FBN3: variants seen among roughly 807,000 people sequenced by gnomAD.
The protein encoded by FBN3 is fibrillin-3.
Under a neutral mutation model 330.1 loss-of-function variants are expected in FBN3, and 234 were observed. The ratio of observed to expected loss-of-function variants is 0.71; its 90% CI spans 0.64 to 0.79. The LOEUF (loss-of-function observed/expected upper bound fraction) is 0.79, where lower values mean the gene tolerates loss of function less well. Ranked by LOEUF, FBN3 falls within the 30% of genes least tolerant of loss-of-function variation. The probability of loss-of-function intolerance (pLI) is 0.00; values close to 1 mark genes in which losing one functional copy is unlikely to be tolerated. For missense variants in FBN3, 3,606 were observed against 3,886.9 expected (o/e 0.93, Z 1.92); for synonymous variants, 1,458 against 1,517.3 (o/e 0.96, Z 0.91).
chr19:8,118,827 C>A, intron 26 of FBN3, 70 bp downstream of exon 26: 1 of 1,557,386 alleles, frequency 6.4e-7, no homozygotes, highest in Non-Finnish European at 8.8e-7. Flanking sequence ...AGCCCACATT[C>A]ACCAGACATC....
intron 63 of FBN3, among the ~76,000 whole-genome samples, chr19:8,066,618 C>T (rs538724373): frequency 3.3e-5 from 5 of 152,226 alleles, no homozygotes; most frequent in African/African-American, 7.2e-5. Flanking sequence ...CAGTGGCTCA[C>T]GCCTGTAATC....
chr19:8,125,474 G>T (rs2082955043), intron 22 of FBN3, among the ~76,000 whole-genome samples: 1 of 151,410 alleles, frequency 6.6e-6, no homozygotes, highest in South Asian at 2.1e-4. Flanking sequence ...CAGAGGCAGA[G>T]GATCCCAAAG....
Position 8,123,546 on chromosome 19 carries a change from A to T in FBN3, c.3000T>A (p.Gly1000=). 6.2e-7 allele frequency: 1 copy of T among 1,614,172 alleles called. No individual in the cohort carries two copies. The highest frequency in any genetic ancestry group is 1.1e-5 in the South Asian group (1 of 91,090). The change falls in exon 24 of 64, where the codon GGT becomes GGA. Residue 1000 remains glycine, a synonymous_variant. Coordinates refer to ENST00000600128, the MANE Select transcript of FBN3 (RefSeq NM_032447.5). Reference sequence around the variant, plus strand: ...AGCTGCCCACCGTGTTTCTGCAGGTACCGTGCGTGCAGAGGCCAGGGAACA... The same window carrying T: ...AGCTGCCCACCGTGTTTCTGCAGGTTCCGTGCGTGCAGAGGCCAGGGAACA... The part of the protein sequence containing the change: ...CKVFPGLCTH[G]TCRNTVGSFH...
At chr19:8,135,936 G>GGGGGGGGGGGCCC in intron 13 of FBN3, 25 bp downstream of exon 13, 2 of 668,770 alleles carry the variant, frequency 3.0e-6, no homozygotes, top group Non-Finnish European at 4.8e-6. Flanking sequence ...GGAAGCCCCT[G>GGGGGGGGGGGCCC]CCCACCCGCC....
chr19:8,126,343 AGGGTCTGCAACT>A lies in FBN3; in HGVS notation c.2555-8_2558del. On this transcript the variant is annotated splice_acceptor_variant and splice_polypyrimidine_tract_variant and coding_sequence_variant and intron_variant, in exon 21 of 64. Coordinates refer to ENST00000600128, the MANE Select transcript of FBN3 (RefSeq NM_032447.5). LOFTEE classifies it high-confidence loss of function. ...TCCGGGCAAAGCCCCGGGCACAGGC[AGGGTCTGCAACT>A]GGGAGAACAAGAGTGAAGAGAGGAG... The A allele has an allele frequency of 6.3e-7, 1 of 1,590,468 alleles. No individual in the cohort carries two copies. The highest frequency in any genetic ancestry group is 8.5e-7 in the Non-Finnish European group (1 of 1,170,244).
chr19:8,108,071 A>G (rs1156844804), intron 37 of FBN3, 99 bp downstream of exon 37: 3 of 997,136 alleles, frequency 3.0e-6, no homozygotes, highest in Non-Finnish European at 4.5e-6. Context: ...GCCCCATCCC[A>G]GGACAAAACT....
chr19:8,135,566 T>A (rs2083260583), intron 13 of FBN3, among the ~76,000 whole-genome samples: 2 of 151,538 alleles, frequency 1.3e-5, no homozygotes, highest in Admixed American at 6.6e-5. Flanking sequence ...GGACTTCTTT[T>A]TTTTTTTAGG....
chr19:8,096,368 C>A lies in FBN3; in HGVS notation c.5539+76G>T. Reference sequence around the variant, plus strand: ...CTTTGTGAACTAGGATGGACAGAAACACCACTTCCATCCCAGGGGAGGTTT... The same window carrying A: ...CTTTGTGAACTAGGATGGACAGAAAAACCACTTCCATCCCAGGGGAGGTTT... On this transcript the variant is annotated intron_variant, in intron 44 of 63. Coordinates refer to ENST00000600128, the MANE Select transcript of FBN3 (RefSeq NM_032447.5). The surrounding 1 kb of genome is among the most constrained non-coding windows in gnomAD (Gnocchi z 4.6). 6.6e-7 allele frequency: 1 copy of A among 1,522,516 alleles called. No homozygotes were observed. The highest frequency in any genetic ancestry group is 1.3e-5 in the South Asian group (1 of 79,928). The allele number at this position is 1,522,516 out of a possible 1,614,324, so 94.3% of individuals were successfully genotyped here.
intron 13 of FBN3, 25 bp downstream of exon 13, chr19:8,135,936 G>GCTCCCCCCCCC: frequency 7.5e-6 from 5 of 668,778 alleles, no homozygotes; most frequent in Non-Finnish European, 9.6e-6. Context: ...GGAAGCCCCT[G>GCTCCCCCCCCC]CCCACCCGCC....
intron 30 of FBN3, 95 bp from the exon 31 acceptor site, chr19:8,112,194 G>C (rs2082605053): frequency 1.5e-6 from 2 of 1,357,688 alleles, no homozygotes; most frequent in African/African-American, 2.9e-5. Context: ...TCCTCTCTAG[G>C]GGAGAGCTGG....
chr19:8,096,641 T>A lies in FBN3; in HGVS notation c.5414-72A>T. The A allele has an allele frequency of 6.6e-7, 1 of 1,524,126 alleles. No individual in the cohort carries two copies. The highest frequency in any genetic ancestry group is 2.3e-5 in the East Asian group (1 of 44,102). The allele number at this position is 1,524,126 out of a possible 1,614,324, so 94.4% of individuals were successfully genotyped here. A position where few individuals can be genotyped will look rare whatever the true frequency, so the allele number is the denominator to read the frequency against. On this transcript the variant is annotated intron_variant, in intron 43 of 63. Coordinates refer to ENST00000600128, the MANE Select transcript of FBN3 (RefSeq NM_032447.5). The surrounding 1 kb of genome is among the most constrained non-coding windows in gnomAD (Gnocchi z 4.6). ...TTTGCCTGAGCTCTCCCTACTGCAA[T>A]GGGGAAGCCAGAATCTGCCTTGAAG...
chr19:8,090,255 T>C lies in FBN3; in HGVS notation c.6032-4A>G, dbSNP rs749846304. On this transcript the variant is annotated splice_polypyrimidine_tract_variant and splice_region_variant and intron_variant, in intron 48 of 63. Transcript: ENST00000600128. ...AAGCAGAAACTCTGCCGTGTGTCTG[T>C]GGGGTGGGGGCTCCATTACCCTGAT... is the stretch of plus-strand genomic sequence containing the variant. 6.2e-7 allele frequency: 1 copy of C among 1,613,544 alleles called. No homozygotes were observed. Among genetic ancestry groups the C allele is most frequent in the East Asian group, 2.2e-5 (1 of 44,864 alleles).
rs1378916823 is a variant in FBN3 at position 8,089,887 on chromosome 19, G to T, written c.6250+7C>A. ...AGGGGCTCTTAGCATGTGGGTGAGG[G>T]GCTCACCTTCTCGGGAGTCATCCGG... On this transcript the variant is annotated splice_region_variant and intron_variant, in intron 50 of 63. Transcript: ENST00000600128. 2 of 1,591,842 alleles carry T rather than the reference G, an allele frequency of 1.3e-6. No homozygotes were observed. The highest frequency in any genetic ancestry group is 2.3e-5 in the East Asian group (1 of 44,360).
chr19:8,135,936 G>GAGCCCCCC, intron 13 of FBN3, 25 bp downstream of exon 13: 1 of 668,778 alleles, frequency 1.5e-6, no homozygotes, highest in Non-Finnish European at 2.4e-6. Context: ...GGAAGCCCCT[G>GAGCCCCCC]CCCACCCGCC....
chr19:8,130,176 G>A (rs2083091086), intron 16 of FBN3, among the ~76,000 whole-genome samples: 1 of 151,808 alleles, frequency 6.6e-6, no homozygotes, highest in Non-Finnish European at 1.5e-5. Context: ...GGAATTACAG[G>A]CGTGAGCCAC....
chr19:8,107,472 G>C (rs922770356), intron 37 of FBN3, among the ~76,000 whole-genome samples: 1 of 146,520 alleles, frequency 6.8e-6, no homozygotes, highest in Admixed American at 6.9e-5. Context: ...TGGTCGAGTG[G>C]AAGGATGGAT....
chr19:8,142,690 T>C (rs570381983), intron 6 of FBN3, among the ~76,000 whole-genome samples: 1 of 152,012 alleles, frequency 6.6e-6, no homozygotes, highest in Non-Finnish European at 1.5e-5. Context: ...TTCTCCCAGA[T>C]GTTTCCAATA....
chr19:8,120,129 A>AT (rs954557841), intron 25 of FBN3, among the ~76,000 whole-genome samples: 3 of 138,222 alleles, frequency 2.2e-5, no homozygotes, highest in Admixed American at 7.1e-5. Context: ...GCAATTTTGC[A>AT]TTTTTTTCTT....
chr19:8,090,724 T>C (rs1268054922), intron 48 of FBN3, among the ~76,000 whole-genome samples: 1 of 151,992 alleles, frequency 6.6e-6, no homozygotes, highest in African/African-American at 2.4e-5. Flanking sequence ...CCTCAGGTGA[T>C]CAGCCTGCCT....
Sources: allele counts gnomAD v4.1 joint callset (sites outside exome capture counted in the v4.1 genomes callset), GRCh38; gene constraint gnomAD v4.1.1; non-coding constraint Gnocchi (gnomAD v3.1); transcripts MANE v1.5; gene names NCBI Gene and HGNC (gene_info 2026-07-23, HGNC 2026-07-21).